The following CRACD variants were observed in gnomAD, a reference collection of about 807,000 sequenced individuals.
CRACD encodes capping protein-inhibiting regulator of actin dynamics.
Under a neutral mutation model 106.8 loss-of-function variants are expected in CRACD, and 56 were observed. The observed-to-expected ratio is 0.52, with a 90% CI of 0.42 to 0.66. The LOEUF (loss-of-function observed/expected upper bound fraction) is 0.66. CRACD is among the 30% of genes least tolerant of loss of function. The pLI is 0.00. For missense variants in CRACD, 1,730 were observed against 1,623.2 expected (o/e 1.07, Z -1.13); for synonymous variants, 754 against 670.8 (o/e 1.12, Z -1.92).
chr4:56,165,576 G>C (rs2109909501), intron 1 of CRACD, among the ~76,000 whole-genome samples: 1 of 152,296 alleles, frequency 6.6e-6, no homozygotes, highest in East Asian at 1.9e-4. Context: ...CAGTGTGCCA[G>C]TCAGCCAAAA....
At chr4:56,106,769 C>T (rs1444481225) in intron 1 of CRACD, among the ~76,000 whole-genome samples, 2 of 152,146 alleles carry the variant, frequency 1.3e-5, no homozygotes, top group Non-Finnish European at 2.9e-5. Context: ...TTAATGAACA[C>T]CATTGAGCTG....
chr4:56,130,598 G>A lies in CRACD; in HGVS notation c.-335-48686G>A, dbSNP rs373469239. Among the ~76,000 whole-genome samples, 10 of 151,830 alleles carry A rather than the reference G, an allele frequency of 6.6e-5. No homozygotes were observed. The East Asian group carries it at 1.5e-3, about 23-fold the overall frequency. ...AATTTCTCTTATTTATCAGAATTAAGGACTTCCAGCTAAGTTGAAATTTTA... is the reference window on the plus strand; with the variant it reads ...AATTTCTCTTATTTATCAGAATTAAAGACTTCCAGCTAAGTTGAAATTTTA... On this transcript the variant is annotated intron_variant, in intron 1 of 10. Coordinates refer to ENST00000682029, the MANE Select transcript of CRACD (RefSeq NM_001393381.1).
chr4:56,102,747 C>A (rs1437791393), intron 1 of CRACD, among the ~76,000 whole-genome samples: 1 of 152,192 alleles, frequency 6.6e-6, no homozygotes, highest in Non-Finnish European at 1.5e-5. Context: ...TGGATTCGAC[C>A]CCTCCTGCTC....
intron 1 of CRACD, among the ~76,000 whole-genome samples, chr4:56,171,538 A>G (rs995155931): frequency 6.6e-6 from 1 of 152,160 alleles, no homozygotes; most frequent in Non-Finnish European, 1.5e-5. Context: ...TGACTTTGAA[A>G]AGTGCAATTT....
intron 5 of CRACD, among the ~76,000 whole-genome samples, chr4:56,309,396 T>C (rs893272787): frequency 6.6e-6 from 1 of 152,090 alleles, no homozygotes; most frequent in Non-Finnish European, 1.5e-5. Context: ...AAAGACTCTT[T>C]TGTAAGAAAT....
intron 2 of CRACD, among the ~76,000 whole-genome samples, chr4:56,220,574 A>C (rs1439297868): frequency 6.6e-6 from 1 of 152,096 alleles, no homozygotes; most frequent in Non-Finnish European, 1.5e-5. Context: ...GCAAACCAAT[A>C]AATTCATTTT....
chr4:56,284,292 T>A (rs139214794), intron 3 of CRACD, among the ~76,000 whole-genome samples: 96 of 45,472 alleles, frequency 2.1e-3, no homozygotes, highest in East Asian at 4.8e-3. Context: ...CATCCTAAAG[T>A]AAAAAAAAAA....
At chr4:56,185,017 C>T (rs148839344) in intron 2 of CRACD, among the ~76,000 whole-genome samples, 7,734 of 152,170 alleles carry the variant, frequency 0.051, 506 homozygotes, top group African/African-American at 0.15. Context: ...AGTGCAGTGG[C>T]GCGATCTCAG....
At chr4:56,144,065 A>G (rs927318150) in intron 1 of CRACD, among the ~76,000 whole-genome samples, 1 of 152,302 alleles carries the variant, frequency 6.6e-6, no homozygotes, top group African/African-American at 2.4e-5. Context: ...AGGAATATCC[A>G]TTTGAGAATC....
chr4:56,117,840 C>T (rs1194957826), intron 1 of CRACD, among the ~76,000 whole-genome samples: 1 of 151,142 alleles, frequency 6.6e-6, no homozygotes, highest in Non-Finnish European at 1.5e-5. Context: ...TCACTGCAAC[C>T]TCCACCTCCC....
chr4:56,273,774 C>T (rs1742507920), intron 3 of CRACD, among the ~76,000 whole-genome samples: 1 of 152,190 alleles, frequency 6.6e-6, no homozygotes, highest in South Asian at 2.1e-4. Flanking sequence ...GACTAGGTTT[C>T]ATTCAGCCTT....
chr4:56,057,583 T>G (rs1732118831), intron 1 of CRACD, among the ~76,000 whole-genome samples: 1 of 151,934 alleles, frequency 6.6e-6, no homozygotes, highest in Non-Finnish European at 1.5e-5. Flanking sequence ...GTCAGCACTT[T>G]CATATGTACT....
chr4:56,173,146 G>C (rs1171575346), intron 1 of CRACD, among the ~76,000 whole-genome samples: 2 of 152,168 alleles, frequency 1.3e-5, no homozygotes, highest in African/African-American at 2.4e-5. Flanking sequence ...CCCACAGATC[G>C]CAGGAGCTGT....
At chr4:56,158,502 A>G (rs563961692) in intron 1 of CRACD, among the ~76,000 whole-genome samples, 11 of 152,142 alleles carry the variant, frequency 7.2e-5, no homozygotes, top group Non-Finnish European at 1.5e-4. Context: ...TCAAAATAGC[A>G]TATTTCTGAG....
intron 2 of CRACD, among the ~76,000 whole-genome samples, chr4:56,214,061 G>A (rs969401746): frequency 3.3e-5 from 5 of 152,142 alleles, no homozygotes; most frequent in Admixed American, 1.3e-4. Flanking sequence ...CCATTCAGCT[G>A]TTTTAACAAA....
At chr4:56,255,798 C>G (rs926164289) in intron 2 of CRACD, among the ~76,000 whole-genome samples, 1 of 152,138 alleles carries the variant, frequency 6.6e-6, no homozygotes, top group African/African-American at 2.4e-5. Flanking sequence ...GGTGGCTTTT[C>G]TTTGGATTTT....
At chr4:56,277,749 A>G (rs185115420) in intron 3 of CRACD, among the ~76,000 whole-genome samples, 1 of 152,334 alleles carries the variant, frequency 6.6e-6, no homozygotes, top group African/African-American at 2.4e-5. Context: ...GTATATATAG[A>G]AAGTCCTAAG....
At chr4:56,270,672 G>A (rs868063974) in intron 2 of CRACD, among the ~76,000 whole-genome samples, 3 of 152,018 alleles carry the variant, frequency 2.0e-5, no homozygotes, top group Non-Finnish European at 2.9e-5. Flanking sequence ...CGTGTCTCAG[G>A]TTCCTCATCT....
At chr4:56,052,808 C>G (rs1731920645) in intron 1 of CRACD, among the ~76,000 whole-genome samples, 1 of 152,156 alleles carries the variant, frequency 6.6e-6, no homozygotes, top group Non-Finnish European at 1.5e-5. Context: ...TCTTAACCCC[C>G]ATGGTTTTCT....
Sources: gnomAD v4.1 joint callset for allele counts (sites outside exome capture counted in the v4.1 genomes callset) on GRCh38, gnomAD v4.1.1 for gene constraint, MANE v1.5 for transcripts, NCBI Gene and HGNC (gene_info 2026-07-23, HGNC 2026-07-21) for gene names.